Variants in SPTLC3 observed in about 807,000 individuals in gnomAD.
SPTLC3 encodes serine palmitoyltransferase long chain base subunit 3, also known as serine palmitoyltransferase 3.
Under a neutral mutation model 59.3 loss-of-function variants are expected in SPTLC3, and 36 were observed. The ratio of observed to expected loss-of-function variants is 0.61; its 90% CI spans 0.47 to 0.80. The LOEUF (loss-of-function observed/expected upper bound fraction) is 0.80, where lower values mean the gene tolerates loss of function less well. SPTLC3 is among the 30% of genes least tolerant of loss of function. The pLI is 0.00. For synonymous variants in SPTLC3, 257 were observed against 240.8 expected, an observed-to-expected ratio of 1.07 and a Z score of -0.62; for missense variants, 625 against 685.1, an observed-to-expected ratio of 0.91 and a Z score of 0.98.
rs553110149 is a variant in SPTLC3, at chr20:13,148,155, A to C, written c.1280-5848A>C. On this transcript the variant is annotated intron_variant, in intron 9 of 11. Transcript: ENST00000399002. ...TCTGGGAGACTGAGTTGTCCTAAAC[A>C]TATTTTTGGAAATGCCACTGATCAT... Among the ~76,000 whole-genome samples, 8 of 152,296 alleles carry C rather than the reference A, an allele frequency of 5.3e-5. No homozygotes were observed. The South Asian group carries it at 1.7e-3, about 32-fold the overall frequency.
At chr20:13,095,874 T>C (rs1434959061) in intron 6 of SPTLC3, among the ~76,000 whole-genome samples, 1 of 152,160 alleles carries the variant, frequency 6.6e-6, no homozygotes, top group Non-Finnish European at 1.5e-5. Context: ...CAAGCCAACA[T>C]TTATTAAGTG....
intron 7 of SPTLC3, among the ~76,000 whole-genome samples, chr20:13,113,893 C>T (rs1243407624): frequency 6.6e-6 from 1 of 152,218 alleles, no homozygotes; most frequent in Non-Finnish European, 1.5e-5. Context: ...CTCACACTGA[C>T]CATGTGTCTA....
At chr20:13,069,625 A>G (rs1167355328) in intron 2 of SPTLC3, among the ~76,000 whole-genome samples, 6 of 151,948 alleles carry the variant, frequency 3.9e-5, no homozygotes, top group Non-Finnish European at 7.4e-5. Flanking sequence ...CCCGCTGCTC[A>G]CCTCCTGCTG....
intron 10 of SPTLC3, among the ~76,000 whole-genome samples, chr20:13,159,208 T>C (rs978801787): frequency 6.6e-6 from 1 of 152,210 alleles, no homozygotes; most frequent in African/African-American, 2.4e-5. Context: ...AATCATAGCT[T>C]ATGAAGGTTT....
At chr20:13,053,970 G>T (rs538709525) in intron 2 of SPTLC3, among the ~76,000 whole-genome samples, 1 of 152,160 alleles carries the variant, frequency 6.6e-6, no homozygotes, top group African/African-American at 2.4e-5. Context: ...CACTCTTCAG[G>T]ATATTATCCA....
chr20:13,020,950 G>A (rs1431675628), intron 1 of SPTLC3, among the ~76,000 whole-genome samples: 1 of 152,052 alleles, frequency 6.6e-6, no homozygotes, highest in Admixed American at 6.5e-5. Context: ...ATTAACATTA[G>A]CCTGCAGTCA....
chr20:13,049,383 AT>A (rs1987378736), intron 2 of SPTLC3: 2 of 369,334 alleles, frequency 5.4e-6, no homozygotes, highest in African/African-American at 4.2e-5. Flanking sequence ...GTAATATTTA[AT>A]TTTTGTAACA....
chr20:13,025,989 T>C (rs1986122741), intron 1 of SPTLC3, among the ~76,000 whole-genome samples: 1 of 152,194 alleles, frequency 6.6e-6, no homozygotes, highest in Non-Finnish European at 1.5e-5. Flanking sequence ...TTTGGTTTTC[T>C]CTTCCTGCAT....
At chr20:13,158,542 A>T (rs1024043581) in intron 10 of SPTLC3, among the ~76,000 whole-genome samples, 1 of 152,206 alleles carries the variant, frequency 6.6e-6, no homozygotes, top group Admixed American at 6.5e-5. Flanking sequence ...CAATAAAAGC[A>T]CTTGACTTGT....
At chr20:13,100,390 A>G (rs1339907597) in intron 6 of SPTLC3, among the ~76,000 whole-genome samples, 2 of 152,214 alleles carry the variant, frequency 1.3e-5, no homozygotes, top group Non-Finnish European at 2.9e-5. Flanking sequence ...TCCTAAAAAA[A>G]CAGGAAAAGA....
At chr20:13,137,955 T>G (rs1430314291) in intron 9 of SPTLC3, among the ~76,000 whole-genome samples, 1 of 152,090 alleles carries the variant, frequency 6.6e-6, no homozygotes, top group African/African-American at 2.4e-5. Flanking sequence ...AGCCAAAACT[T>G]GAGACAAAGG....
At chr20:13,013,402 C>A (rs1353598006) in intron 1 of SPTLC3, among the ~76,000 whole-genome samples, 1 of 152,134 alleles carries the variant, frequency 6.6e-6, no homozygotes, top group Non-Finnish European at 1.5e-5. Flanking sequence ...CTAGGCTACC[C>A]CCTGATTGAA....
At chr20:13,131,179 G>T (rs1368233653) in intron 9 of SPTLC3, among the ~76,000 whole-genome samples, 1 of 152,086 alleles carries the variant, frequency 6.6e-6, no homozygotes, top group African/African-American at 2.4e-5. Flanking sequence ...TTAAATCTTC[G>T]ATGTATATTT....
chr20:13,163,161 A>G (rs1456918919), intron 11 of SPTLC3, among the ~76,000 whole-genome samples: 1 of 152,106 alleles, frequency 6.6e-6, no homozygotes, highest in Non-Finnish European at 1.5e-5. Flanking sequence ...TGAGGTCAGG[A>G]GTTCGAGACC....
rs574957729 is a variant in SPTLC3, at chr20:13,149,426, G to A, written c.1280-4577G>A. 7.9e-5 allele frequency among the ~76,000 whole-genome samples: 12 copies of A among 152,334 alleles called. No homozygotes were observed. The South Asian group carries it at 2.5e-3, about 32-fold the overall frequency. On this transcript the variant is annotated intron_variant, in intron 9 of 11. Coordinates refer to ENST00000399002, the MANE Select transcript of SPTLC3 (RefSeq NM_018327.4). Reference sequence around the variant, plus strand: ...TAATTAATAAAATCATTTGCATCCTGTTTAGATGAGTAGCGTTTTATAGGT... The same window carrying A: ...TAATTAATAAAATCATTTGCATCCTATTTAGATGAGTAGCGTTTTATAGGT...
intron 2 of SPTLC3, among the ~76,000 whole-genome samples, chr20:13,064,417 C>G (rs141239051): frequency 6.6e-6 from 1 of 152,114 alleles, no homozygotes; most frequent in Non-Finnish European, 1.5e-5. Flanking sequence ...CCTCAACCCC[C>G]CGAGTAGCTG....
At chr20:13,107,650 C>A (rs533326597) in intron 6 of SPTLC3, among the ~76,000 whole-genome samples, 21 of 152,254 alleles carry the variant, frequency 1.4e-4, no homozygotes, top group African/African-American at 4.8e-4. Flanking sequence ...ATCCACCATT[C>A]TTCCAATTCT....
At chr20:13,122,150 A>T (rs2037881085) in intron 8 of SPTLC3, among the ~76,000 whole-genome samples, 1 of 152,194 alleles carries the variant, frequency 6.6e-6, no homozygotes, top group Non-Finnish European at 1.5e-5. Flanking sequence ...GTTTTCCATT[A>T]GACGGTCAAT....
chr20:13,033,042 C>T (rs990627148), intron 1 of SPTLC3, among the ~76,000 whole-genome samples: 20 of 152,232 alleles, frequency 1.3e-4, no homozygotes, highest in African/African-American at 4.6e-4. Flanking sequence ...AGAACTAAGA[C>T]TTGGGTCTTC....
Sources: gnomAD v4.1 joint callset for allele counts (sites outside exome capture counted in the v4.1 genomes callset) on GRCh38, gnomAD v4.1.1 for gene constraint, MANE v1.5 for transcripts, NCBI Gene and HGNC (gene_info 2026-07-23, HGNC 2026-07-21) for gene names.